Variants in SLC35G2 observed in about 807,000 individuals in gnomAD.
SLC35G2 encodes the protein solute carrier family 35 member G2.
SLC35G2 carries 20 observed loss-of-function variants against 27.2 expected under a neutral mutation model. The ratio of observed to expected loss-of-function variants is 0.74; its 90% CI spans 0.52 to 1.07. The LOEUF (loss-of-function observed/expected upper bound fraction) is 1.07, where lower values mean the gene tolerates loss of function less well. SLC35G2 is among the 50% of genes least tolerant of loss of function. The pLI is 0.00. For synonymous variants in SLC35G2, 148 were observed against 165.3 expected (o/e 0.90, Z 0.80); for missense variants, 416 against 493.3 (o/e 0.84, Z 1.48).
rs763369350 is a variant in SLC35G2, at chr3:136,854,567, A to T, written c.107A>T (p.Asp36Val). 3.7e-6 allele frequency: 6 copies of T among 1,613,124 alleles called. No homozygotes were observed. The Admixed American group carries it at 1.0e-4, about 27-fold the overall frequency. The stretch of plus-strand genomic sequence containing the variant: ...TCTCATTATCCCCAGCCTGGCGATG[A>T]TGGATATGAAGAAATCAATGAAGGC... ...YTSHYPQPGD[D>V]GYEEINEGYG... is the part of the protein sequence containing the mutation. Residue 36 changes from aspartate (D) to valine (V), a missense_variant, in exon 2 of 2, where the codon GAT becomes GTT. Asp to Val is a radical substitution (Grantham distance 152). Coordinates refer to ENST00000446465, the MANE Select transcript of SLC35G2 (RefSeq NM_025246.3).
intron 1 of SLC35G2, chr3:136,838,250 T>TAC (rs1240256542): frequency 1.2e-3 from 5 of 4,078 alleles, no homozygotes; most frequent in African/African-American, 3.1e-3. Flanking sequence ...CATATACATA[T>TAC]ATATATATAT....
chr3:136,847,051 C>T (rs1268509344), intron 1 of SLC35G2, among the ~76,000 whole-genome samples: 1 of 152,168 alleles, frequency 6.6e-6, no homozygotes, highest in East Asian at 1.9e-4. Context: ...CCTGTAATCC[C>T]AGCTACTCTG....
At chr3:136,820,195 T>TGCTGGGGGTGGGTCCAGAGG (rs1440274784) in intron 1 of SLC35G2, 3 of 151,480 alleles carry the variant, frequency 2.0e-5, no homozygotes, top group East Asian at 4.1e-4. Flanking sequence ...ACGTCCAGAG[T>TGCTGGGGGTGGGTCCAGAGG]GCTGGGGGTG....
intron 1 of SLC35G2, among the ~76,000 whole-genome samples, chr3:136,848,918 G>GC (rs1165662437): frequency 1.3e-5 from 2 of 152,106 alleles, no homozygotes; most frequent in South Asian, 4.1e-4. Flanking sequence ...GGGCACGGTG[G>GC]CCTGTAATCT....
chr3:136,822,416 G>C (rs964479909), intron 1 of SLC35G2, among the ~76,000 whole-genome samples: 2 of 152,130 alleles, frequency 1.3e-5, no homozygotes, highest in African/African-American at 4.8e-5. Context: ...CTGGGTTCAA[G>C]TGACTCTCCT....
intron 1 of SLC35G2, among the ~76,000 whole-genome samples, chr3:136,830,381 C>T (rs1017359906): frequency 6.6e-6 from 1 of 152,140 alleles, no homozygotes; most frequent in African/African-American, 2.4e-5. Context: ...CTCCCAGGTT[C>T]ACACCATTCT....
chr3:136,848,577 G>C (rs995993243), intron 1 of SLC35G2, among the ~76,000 whole-genome samples: 5 of 152,118 alleles, frequency 3.3e-5, no homozygotes, highest in African/African-American at 1.2e-4. Flanking sequence ...TGAATCTGGG[G>C]TGACAAAAAG....
chr3:136,850,398 A>T (rs1388038072), intron 1 of SLC35G2, among the ~76,000 whole-genome samples: 1 of 151,554 alleles, frequency 6.6e-6, no homozygotes, highest in East Asian at 1.9e-4. Flanking sequence ...TTTTTTTTTT[A>T]AACCTCTTAA....
Position 136,855,471 on chromosome 3 carries a change from T to C in SLC35G2, c.1011T>C (p.Tyr337=), listed in dbSNP as rs1937964178. Residue 337 remains tyrosine (Y), a synonymous_variant, in exon 2 of 2, where the codon TAT becomes TAC. Coordinates refer to ENST00000446465, the MANE Select transcript of SLC35G2 (RefSeq NM_025246.3). ...CSTAAFLGVY[Y]ALDKFHPALV... ...CTGCAGCATTCTTAGGAGTTTATTATGCCTTGGACAAATTCCATCCAGCTT... is the reference window on the plus strand; with the variant it reads ...CTGCAGCATTCTTAGGAGTTTATTACGCCTTGGACAAATTCCATCCAGCTT... The C allele has an allele frequency of 3.7e-6, 6 of 1,614,198 alleles. No individual in the cohort carries two copies. The highest frequency in any genetic ancestry group is 4.2e-6 in the Non-Finnish European group (5 of 1,180,018).
intron 1 of SLC35G2, among the ~76,000 whole-genome samples, chr3:136,841,248 C>T (rs1447462701): frequency 6.6e-6 from 1 of 152,018 alleles, no homozygotes; most frequent in Non-Finnish European, 1.5e-5. Flanking sequence ...AGAGCTGCAC[C>T]CTATCTAAAG....
chr3:136,844,591 G>A (rs1238375491), intron 1 of SLC35G2, among the ~76,000 whole-genome samples: 1 of 151,620 alleles, frequency 6.6e-6, no homozygotes, highest in Non-Finnish European at 1.5e-5. Flanking sequence ...ATGAGGCCGT[G>A]AGTTTGAGAC....
At chr3:136,828,803 C>T (rs1255134448) in intron 1 of SLC35G2, among the ~76,000 whole-genome samples, 1 of 152,094 alleles carries the variant, frequency 6.6e-6, no homozygotes, top group Non-Finnish European at 1.5e-5. Context: ...TTGTGGTCTT[C>T]TCTTCCTTTT....
At chr3:136,839,056 C>T (rs1466152523) in intron 1 of SLC35G2, 2 of 151,358 alleles carry the variant, frequency 1.3e-5, no homozygotes, top group Non-Finnish European at 2.9e-5. Flanking sequence ...CTACCCTTAA[C>T]AGCTTCACCC....
chr3:136,832,613 G>T (rs544398340), intron 1 of SLC35G2, among the ~76,000 whole-genome samples: 1 of 152,268 alleles, frequency 6.6e-6, no homozygotes, highest in African/African-American at 2.4e-5. Context: ...TTAGCATGGT[G>T]CCTTCCACAT....
rs1938002723 is a variant in SLC35G2, at chr3:136,855,868, T to C, written c.*169T>C. 1.9e-6 allele frequency: 1 copy of C among 535,428 alleles called. No individual in the cohort carries two copies. Among genetic ancestry groups the C allele is most frequent in the Non-Finnish European group, 3.3e-6 (1 of 301,914 alleles). 33.2% of individuals were successfully genotyped at this position (535,428 alleles called of 1,614,324 possible). On this transcript the variant is annotated 3_prime_UTR_variant, in exon 2 of 2. Coordinates refer to ENST00000446465, the MANE Select transcript of SLC35G2 (RefSeq NM_025246.3). ...AGTCTAATATATTCAAATACAAATA[T>C]TAAATATATGAAATACGTTATGAAT...
At chr3:136,846,259 G>GT (rs1937373258) in intron 1 of SLC35G2, among the ~76,000 whole-genome samples, 1 of 152,126 alleles carries the variant, frequency 6.6e-6, no homozygotes, top group South Asian at 2.1e-4. Flanking sequence ...GAATGAGGTG[G>GT]TCTCAGGCCT....
chr3:136,853,793 T>A (rs551991669), intron 1 of SLC35G2, among the ~76,000 whole-genome samples: 1 of 152,198 alleles, frequency 6.6e-6, no homozygotes, highest in East Asian at 1.9e-4. Context: ...TATTGCTGAG[T>A]AGAGGATAGT....
chr3:136,830,172 G>A (rs1425797118), intron 1 of SLC35G2, among the ~76,000 whole-genome samples: 1 of 140,590 alleles, frequency 7.1e-6, no homozygotes, highest in African/African-American at 2.7e-5. Context: ...GCAGTGGCGC[G>A]ATCTCAGCTC....
intron 1 of SLC35G2, among the ~76,000 whole-genome samples, chr3:136,840,517 C>T (rs956460689): frequency 5.4e-5 from 8 of 148,304 alleles, no homozygotes; most frequent in Admixed American, 2.7e-4. Context: ...TCCCTCCCTT[C>T]CTCTCTCTCT....
Sources: allele counts gnomAD v4.1 joint callset (sites outside exome capture counted in the v4.1 genomes callset), GRCh38; gene constraint gnomAD v4.1.1; transcripts MANE v1.5; gene names NCBI Gene and HGNC (gene_info 2026-07-23, HGNC 2026-07-21).